DHX8: variants seen among roughly 807,000 people sequenced by gnomAD.
The protein encoded by DHX8 is ATP-dependent RNA helicase DHX8.
In DHX8, 67 loss-of-function variants were observed where a neutral mutation model predicts 140.7. The ratio of observed to expected loss-of-function variants is 0.48; its 90% confidence interval spans 0.39 to 0.58. DHX8 has a LOEUF of 0.58. Ranked by LOEUF, DHX8 falls within the 20% of genes least tolerant of loss-of-function variation. DHX8 has a pLI of 0.00. For synonymous variants in DHX8, 533 were observed against 553.2 expected (o/e 0.96, Z 0.51); for missense variants, 887 against 1,550.7 (o/e 0.57, Z 7.19).
chr17:43,492,329 G>C (rs2154586365), intron 5 of DHX8, 37 bp downstream of exon 5: 1 of 1,555,018 alleles, frequency 6.4e-7, no homozygotes, highest in East Asian at 2.2e-5. Flanking sequence ...GAAGTTTAGG[G>C]TACTGTGACA....
intron 14 of DHX8, 41 bp from the exon 15 acceptor site, chr17:43,507,767 TG>T (rs1416346766): frequency 6.2e-7 from 1 of 1,612,676 alleles, no homozygotes; most frequent in South Asian, 1.1e-5. Flanking sequence ...CCTGTGTCTT[TG>T]GGTAGTCCTT....
At chr17:43,531,173 T>A (rs1970914888), downstream of DHX8, among the ~76,000 whole-genome samples, 1 of 152,124 alleles carries the variant, frequency 6.6e-6, no homozygotes, top group Non-Finnish European at 1.5e-5. Flanking sequence ...TGAACGGTTG[T>A]GGGCACCACA....
intron 17 of DHX8, among the ~76,000 whole-genome samples, chr17:43,515,263 A>T (rs544118480): frequency 3.2e-4 from 49 of 152,316 alleles, no homozygotes; most frequent in African/African-American, 1.1e-3. Context: ...ATCTCAGCTC[A>T]CTGCAACCTC....
rs1234263035 is a variant in DHX8, at chr17:43,508,421, A to G, written c.2403A>G (p.Gly801=). The G allele has an allele frequency of 1.2e-6, 2 of 1,613,794 alleles. No individual in the cohort carries two copies. The highest frequency in any genetic ancestry group is 3.3e-5 in the Admixed American group (2 of 59,980). ...EILYERMKSL[G]PDVPELIILP... ...TGTATGAAAGAATGAAATCCCTGGG[A>G]CCTGATGTTCCAGAGTTAATTATCC... The change falls in exon 16 of 23, where the codon GGA becomes GGG. Residue 801 remains glycine (G), a synonymous_variant. Transcript: ENST00000262415.
At chr17:43,530,009 A>G (rs931296667), downstream of DHX8, 45 of 1,610,412 alleles carry the variant, frequency 2.8e-5, no homozygotes, top group Admixed American at 8.3e-5. Context: ...GAGACCCCAG[A>G]GAGTCCAGAG....
At chr17:43,519,886 A>G (rs1970289494) in intron 18 of DHX8, 2 of 371,438 alleles carry the variant, frequency 5.4e-6, no homozygotes, top group South Asian at 6.9e-5. Context: ...GGTTGCAGTG[A>G]GCTGAGATTG....
chr17:43,497,425 G>A (rs1358026460), intron 9 of DHX8, among the ~76,000 whole-genome samples: 2 of 152,064 alleles, frequency 1.3e-5, no homozygotes, highest in African/African-American at 4.8e-5. Flanking sequence ...TAGTGCTTAT[G>A]TGCAAAATGT....
rs769436347 is a variant in DHX8 at position 43,517,271 on chromosome 17, C to T, written c.2748C>T (p.Asn916=). The change falls in exon 18 of 23, where the codon AAC becomes AAT. Residue 916 remains asparagine, a synonymous_variant. Transcript: ENST00000262415. ...RAYRDEMLTT[N]VPEIQRTNLA... is the part of the protein sequence containing the mutation. ...ACCGAGATGAAATGCTGACCACCAA[C>T]GTGCCGGAAATCCAGAGAACCAACT... is the stretch of plus-strand genomic sequence containing the variant. The T allele has an allele frequency of 1.4e-5, 23 of 1,614,012 alleles. No individual in the cohort carries two copies. In the South Asian group the frequency reaches 1.8e-4, roughly 12 times the overall value.
chr17:43,530,226 G>A (rs957278361), downstream of DHX8: 2 of 1,551,798 alleles, frequency 1.3e-6, no homozygotes, highest in East Asian at 2.4e-5. Flanking sequence ...TTGGGGTGGA[G>A]CTCGAGGGCA....
intron 8 of DHX8, among the ~76,000 whole-genome samples, chr17:43,494,216 C>T (rs141127431): frequency 9.2e-4 from 140 of 152,302 alleles, no homozygotes; most frequent in African/African-American, 3.1e-3. Context: ...ATCGTGACAA[C>T]AGCGTGGGAA....
chr17:43,500,904 C>T (rs369976637), intron 11 of DHX8, among the ~76,000 whole-genome samples: 66 of 151,652 alleles, frequency 4.4e-4, no homozygotes, highest in Middle Eastern at 6.8e-3. Context: ...AGTGAGACTC[C>T]GTCTCAAAAA....
At chr17:43,517,793 C>G (rs1970187230) in intron 18 of DHX8, 1 of 153,706 alleles carries the variant, frequency 6.5e-6, no homozygotes, top group Non-Finnish European at 1.4e-5. Flanking sequence ...TGTTCTTCCT[C>G]TCTCAGTCCC....
At chr17:43,531,766 G>A (rs1359603122), downstream of DHX8, among the ~76,000 whole-genome samples, 1 of 152,196 alleles carries the variant, frequency 6.6e-6, no homozygotes, top group African/African-American at 2.4e-5. Flanking sequence ...CAAGAACCAT[G>A]AGCCTGGCTA....
chr17:43,522,417 G>A (rs1970418520), intron 22 of DHX8, among the ~76,000 whole-genome samples, 191 bp downstream of exon 22: 1 of 151,958 alleles, frequency 6.6e-6, no homozygotes, highest in South Asian at 2.1e-4. Context: ...AAAATCATAG[G>A]GGTGAGACCT....
At chr17:43,533,149 C>A (rs960857601) in intron 2 of DHX8, 5 of 1,606,858 alleles carry the variant, frequency 3.1e-6, no homozygotes, top group Non-Finnish European at 4.3e-6. Context: ...TGAAAAAACA[C>A]CTGGGCCCAT....
At position 43,500,111 on chromosome 17, in the gene DHX8, C is replaced by T. The variant is rs761833767; in HGVS notation, c.1546+8C>T. 1.2e-5 allele frequency: 20 copies of T among 1,613,432 alleles called. No individual in the cohort carries two copies. Among genetic ancestry groups the T allele is most frequent in the Non-Finnish European group, 1.7e-5 (20 of 1,179,726 alleles). On this transcript the variant is annotated splice_region_variant and intron_variant, in intron 11 of 22. Transcript: ENST00000262415. ...TTGACCCTCTGCCTGATGGTAGGAC[C>T]CTTGGAGGGGTGTATGGACCTTGTT...
At position 43,524,298 on chromosome 17, in the gene DHX8, T is replaced by C. The variant is rs1970524606; in HGVS notation, c.*451T>C. ...ACTTTGGCTTGACCTCGTGGAAATATTTATTTTCTTAAGGAAACAAAAATG... is the reference window on the plus strand; with the variant it reads ...ACTTTGGCTTGACCTCGTGGAAATACTTATTTTCTTAAGGAAACAAAAATG... On this transcript the variant is annotated 3_prime_UTR_variant, in exon 23 of 23. Transcript: ENST00000262415. The C allele has an allele frequency of 4.0e-6, 4 of 1,004,346 alleles. No homozygotes were observed. The highest frequency in any genetic ancestry group is 5.4e-5 in the Admixed American group (1 of 18,462). 62.2% of individuals were successfully genotyped at this position (1,004,346 alleles called of 1,614,324 possible).
chr17:43,507,077 C>T lies in DHX8; in HGVS notation c.1803C>T (p.Tyr601=). 6.2e-7 allele frequency: 1 copy of T among 1,613,998 alleles called. No homozygotes were observed. ...GSGKTTQITQ[Y]LAEAGYTSRG... ...GAAAGACAACACAGATCACCCAGTACCTGGCGGAGGCAGGCTACACTTCCA... is the reference window on the plus strand; with the variant it reads ...GAAAGACAACACAGATCACCCAGTATCTGGCGGAGGCAGGCTACACTTCCA... The change falls in exon 13 of 23, where the codon TAC becomes TAT. Residue 601 remains tyrosine (Y), a synonymous_variant. Transcript: ENST00000262415.
Position 43,517,247 on chromosome 17 carries a change from C to T in DHX8, c.2724C>T (p.Tyr908=), listed in dbSNP as rs1270057549. Reference sequence around the variant, plus strand: ...ACAGGTTGTACACAGAACGTGCCTACCGAGATGAAATGCTGACCACCAACG... The same window carrying T: ...ACAGGTTGTACACAGAACGTGCCTATCGAGATGAAATGCTGACCACCAACG... The part of the protein sequence containing the change: ...KCYRLYTERA[Y]RDEMLTTNVP... The change falls in exon 18 of 23, where the codon TAC becomes TAT. Residue 908 remains tyrosine (Y), a synonymous_variant. Coordinates refer to ENST00000262415, the MANE Select transcript of DHX8 (RefSeq NM_004941.3). 1 of 1,614,012 alleles carries T rather than the reference C, an allele frequency of 6.2e-7. No homozygotes were observed. The highest frequency in any genetic ancestry group is 1.3e-5 in the African/African-American group (1 of 74,918).
Sources: allele counts gnomAD v4.1 joint callset (sites outside exome capture counted in the v4.1 genomes callset), GRCh38; gene constraint gnomAD v4.1.1; transcripts MANE v1.5; gene names NCBI Gene and HGNC (gene_info 2026-07-23, HGNC 2026-07-21).